Variants in AP1S3 observed in about 807,000 individuals in gnomAD.
AP1S3 encodes adaptor related protein complex 1 subunit sigma 3.
In AP1S3, 10 loss-of-function variants were observed where a neutral mutation model predicts 20.9. The ratio of observed to expected loss-of-function variants is 0.48; its 90% CI spans 0.29 to 0.81. The LOEUF (loss-of-function observed/expected upper bound fraction) is 0.81, where lower values mean the gene tolerates loss of function less well. Among genes scored for constraint, AP1S3 ranks in the 30% least tolerant of loss-of-function variants. The pLI, the probability that AP1S3 is intolerant of heterozygous loss-of-function variation, is 0.08. For missense variants in AP1S3, 154 were observed against 183.8 expected (o/e 0.84, Z 0.94); for synonymous variants, 41 against 61.5 (o/e 0.67, Z 1.56).
chr2:223,828,058 T>TAAAAAAAAAAAAAAAAAAAAAAAAA (rs527671959), intron 1 of AP1S3, among the ~76,000 whole-genome samples: 17 of 94,670 alleles, frequency 1.8e-4, no homozygotes, highest in East Asian at 3.5e-4. Flanking sequence ...AGACTTCATC[T>TAAAAAAAAAAAAAAAAAAAAAAAAA]AAAAAAAAAA....
chr2:223,809,962 C>T (rs188677480), intron 1 of AP1S3, among the ~76,000 whole-genome samples: 2 of 152,012 alleles, frequency 1.3e-5, no homozygotes, highest in Admixed American at 6.6e-5. Flanking sequence ...CTCCTGACCT[C>T]GTGATCCACC....
At chr2:223,769,098 C>A (rs953569332) in intron 3 of AP1S3, among the ~76,000 whole-genome samples, 5 of 152,172 alleles carry the variant, frequency 3.3e-5, no homozygotes, top group African/African-American at 4.8e-5. Context: ...CCATGGCATA[C>A]TGGGGGTATA....
intron 1 of AP1S3, among the ~76,000 whole-genome samples, chr2:223,832,071 C>T (rs1346913829): frequency 2.3e-5 from 3 of 127,834 alleles, no homozygotes; most frequent in Non-Finnish European, 3.3e-5. Flanking sequence ...AGTAAGACTC[C>T]GTCTCAAAAA....
chr2:223,760,025 T>A (rs996906646), intron 4 of AP1S3, among the ~76,000 whole-genome samples: 8 of 151,296 alleles, frequency 5.3e-5, no homozygotes, highest in African/African-American at 1.9e-4. Flanking sequence ...TTTCAGCATT[T>A]AAAAAAAAAT....
At chr2:223,778,089 G>T (rs199587335) in intron 1 of AP1S3, among the ~76,000 whole-genome samples, 1 of 152,006 alleles carries the variant, frequency 6.6e-6, no homozygotes, top group African/African-American at 2.4e-5. Flanking sequence ...TTTTATTATA[G>T]GAGAAAAATA....
intron 1 of AP1S3, among the ~76,000 whole-genome samples, chr2:223,831,730 A>G (rs958153329): frequency 6.6e-6 from 1 of 152,204 alleles, no homozygotes; most frequent in African/African-American, 2.4e-5. Flanking sequence ...AACACTGGCT[A>G]TCGTAACAAC....
rs1276680858 is a variant in AP1S3, at chr2:223,777,790, C to T, written c.83G>A (p.Arg28Lys). ...KWYITLPDKE[R>K]KKITREIVQI... is the part of the protein sequence containing the mutation. ...AACAATTTCCCGGGTGATCTTCTTC[C>T]TCTCTTTATCAGGGAGAGTGATGTA... Residue 28 changes from arginine (R) to lysine (K), a missense_variant, in exon 2 of 5, where the codon AGG becomes AAG. Arg to Lys is a conservative substitution (Grantham distance 26). Coordinates refer to ENST00000396654, the MANE Select transcript of AP1S3 (RefSeq NM_001039569.2). 6.2e-7 allele frequency: 1 copy of T among 1,614,142 alleles called. No homozygotes were observed. The highest frequency in any genetic ancestry group is 1.7e-5 in the Admixed American group (1 of 60,018).
At chr2:223,772,293 G>A (rs570950016) in intron 3 of AP1S3, among the ~76,000 whole-genome samples, 27 of 152,014 alleles carry the variant, frequency 1.8e-4, no homozygotes, top group Non-Finnish European at 2.5e-4. Context: ...TCTGCAAAAC[G>A]GAGACACATG....
intron 1 of AP1S3, among the ~76,000 whole-genome samples, chr2:223,822,688 AAAAT>A (rs1692019001): frequency 6.6e-6 from 1 of 152,190 alleles, no homozygotes; most frequent in Non-Finnish European, 1.5e-5. Context: ...CCATCTCAAA[AAAAT>A]AAATAAAGTA....
chr2:223,769,656 A>T (rs75127291), intron 3 of AP1S3, among the ~76,000 whole-genome samples: 1 of 152,072 alleles, frequency 6.6e-6, no homozygotes, highest in East Asian at 1.9e-4. Flanking sequence ...TTACATGCAC[A>T]AATATGGCAA....
At chr2:223,795,921 C>G (rs987571103) in intron 1 of AP1S3, among the ~76,000 whole-genome samples, 2 of 152,046 alleles carry the variant, frequency 1.3e-5, no homozygotes, top group African/African-American at 2.4e-5. Flanking sequence ...GCCTGTAATC[C>G]CAGCACTTTG....
chr2:223,804,327 C>A (rs1035546181), intron 1 of AP1S3, among the ~76,000 whole-genome samples: 12 of 152,298 alleles, frequency 7.9e-5, no homozygotes, highest in African/African-American at 2.9e-4. Flanking sequence ...CTCAAGTAAG[C>A]ACACTTGCTT....
chr2:223,765,437 A>C (rs951534816), intron 3 of AP1S3, 87 bp from the exon 4 acceptor site: 3 of 1,408,066 alleles, frequency 2.1e-6, no homozygotes, highest in Admixed American at 2.5e-5. Context: ...TTCAGTTTGC[A>C]CTCATGTGGC....
chr2:223,788,449 C>A (rs911170366), intron 1 of AP1S3, among the ~76,000 whole-genome samples: 1 of 151,094 alleles, frequency 6.6e-6, no homozygotes, highest in Non-Finnish European at 1.5e-5. Flanking sequence ...CCTGACTCTA[C>A]TAAAACTACA....
intron 1 of AP1S3, among the ~76,000 whole-genome samples, chr2:223,806,032 A>G (rs1455834352): frequency 6.6e-6 from 1 of 152,168 alleles, no homozygotes; most frequent in Non-Finnish European, 1.5e-5. Flanking sequence ...CAGACTCTCA[A>G]CTTCTAGAAA....
chr2:223,811,939 G>C (rs1167071744), intron 1 of AP1S3, among the ~76,000 whole-genome samples: 1 of 152,194 alleles, frequency 6.6e-6, no homozygotes, highest in East Asian at 1.9e-4. Context: ...ACATGTTTAT[G>C]TAAGTTGACC....
intron 1 of AP1S3, among the ~76,000 whole-genome samples, chr2:223,786,550 T>TCC: frequency 6.6e-6 from 1 of 151,410 alleles, no homozygotes. Flanking sequence ...GGCCAGGAAT[T>TCC]CAAGACTAGC....
intron 1 of AP1S3, among the ~76,000 whole-genome samples, chr2:223,803,590 T>C (rs1466744443): frequency 6.6e-6 from 1 of 152,100 alleles, no homozygotes; most frequent in East Asian, 1.9e-4. Flanking sequence ...GTAGGAAATT[T>C]GAAGTCACTA....
intron 1 of AP1S3, among the ~76,000 whole-genome samples, chr2:223,813,710 T>G (rs1405369706): frequency 6.6e-6 from 1 of 152,080 alleles, no homozygotes; most frequent in South Asian, 2.1e-4. Context: ...TGAACACCAG[T>G]GTATGGGATA....
Sources: gnomAD v4.1 joint callset for allele counts (sites outside exome capture counted in the v4.1 genomes callset) on GRCh38, gnomAD v4.1.1 for gene constraint, MANE v1.5 for transcripts, NCBI Gene and HGNC (gene_info 2026-07-23, HGNC 2026-07-21) for gene names.